Variants in KIF20B observed in about 807,000 individuals in gnomAD.
KIF20B encodes kinesin-like protein KIF20B.
Under a neutral mutation model 232.5 loss-of-function variants are expected in KIF20B, and 188 were observed. The ratio of observed to expected loss-of-function variants is 0.81; its 90% CI spans 0.72 to 0.91. The LOEUF is 0.91. Among genes scored for constraint, KIF20B ranks in the 40% least tolerant of loss-of-function variants. The pLI, the probability that KIF20B is intolerant of heterozygous loss-of-function variation, is 0.00. For synonymous variants in KIF20B, 712 were observed against 683.0 expected (o/e 1.04, Z -0.66); for missense variants, 2,154 against 2,055.9 (o/e 1.05, Z -0.92).
In KIF20B at chr10:89,751,381, C is replaced by A. The variant is rs1306111010; in HGVS notation, c.4132C>A (p.Arg1378=). 1.2e-6 allele frequency: 2 copies of A among 1,605,220 alleles called. No homozygotes were observed. Among genetic ancestry groups the A allele is most frequent in the South Asian group, 1.1e-5 (1 of 88,688 alleles). The change falls in exon 24 of 33, where the codon CGA becomes AGA. Residue 1378 remains arginine (R), a synonymous_variant. Transcript: ENST00000371728. ...TAAAGAGAAAATAATTGAAGACATG[C>A]GAATGACACTAGAAGAACAGGAACA... ...NVKEKIIEDM[R]MTLEEQEQTQ...
At chr10:89,747,881 TATA>T (rs145154217) in intron 23 of KIF20B, among the ~76,000 whole-genome samples, 6 of 150,658 alleles carry the variant, frequency 4.0e-5, no homozygotes, top group Non-Finnish European at 5.9e-5. Context: ...AAACTTAAAG[TATA>T]ATAATAATAA....
At chr10:89,747,419 A>G (rs899409241) in intron 23 of KIF20B, among the ~76,000 whole-genome samples, 2 of 152,182 alleles carry the variant, frequency 1.3e-5, no homozygotes, top group East Asian at 1.9e-4. Flanking sequence ...TCATGCTGCT[A>G]TAAAGACACA....
Position 89,738,382 on chromosome 10 carries a change from G to T in KIF20B, c.3541G>T (p.Ala1181Ser). 1 of 1,605,680 alleles carries T rather than the reference G, an allele frequency of 6.2e-7. No individual in the cohort carries two copies. Among genetic ancestry groups the T allele is most frequent in the Non-Finnish European group, 8.5e-7 (1 of 1,177,704 alleles). ...TCAGAAAGTTGAATGTAGTCATTCAGCCAAGTTAGAACAAGACATTTTGGA... is the reference window on the plus strand; with the variant it reads ...TCAGAAAGTTGAATGTAGTCATTCATCCAAGTTAGAACAAGACATTTTGGA... The part of the protein sequence containing the change: ...ETQKVECSHS[A>S]KLEQDILEKE... The change falls in exon 20 of 33, where the codon GCC becomes TCC. Residue 1181 changes from alanine (A) to serine (S), a missense_variant. By Grantham distance (99) the Ala-to-Ser change is moderately conservative (BLOSUM62 1). Transcript: ENST00000371728.
chr10:89,722,301 G>C (rs10881635), intron 13 of KIF20B, among the ~76,000 whole-genome samples: 3 of 152,032 alleles, frequency 2.0e-5, no homozygotes, highest in Non-Finnish European at 4.4e-5. Context: ...TCGTTTAGCT[G>C]TAATAGCCAG....
In KIF20B at chr10:89,709,940, C is replaced by G. The variant is rs140764762; in HGVS notation, c.365C>G (p.Ala122Gly). 4 of 1,581,586 alleles carry G rather than the reference C, an allele frequency of 2.5e-6. No individual in the cohort carries two copies. The highest frequency in any genetic ancestry group is 2.6e-6 in the Non-Finnish European group (3 of 1,168,958). ...KFSFSKVFGP[A>G]TTQKEFFQGC... ...ATGTTTGCTTAGGTTTTTGGCCCAG[C>G]AACTACACAGAAGGAATTCTTTCAG... The change falls in exon 5 of 33, where the codon GCA (alanine) becomes GGA (glycine). Residue 122 changes from alanine to glycine, a missense_variant. Transcript: ENST00000371728.
At chr10:89,757,040 G>GTGTGTGTGTGTGTGTGTGTATATATA (rs1301847520) in intron 26 of KIF20B, among the ~76,000 whole-genome samples, 1 of 110,748 alleles carries the variant, frequency 9.0e-6, no homozygotes, top group African/African-American at 3.3e-5. Context: ...GTGTGTGTGT[G>GTGTGTGTGTGTGTGTGTGTATATATA]TATATATATA....
At position 89,768,741 on chromosome 10, in the gene KIF20B, G is replaced by A. The variant is rs1842411535; in HGVS notation, c.5095G>A (p.Ala1699Thr). 2 of 1,582,892 alleles carry A rather than the reference G, an allele frequency of 1.3e-6. No individual in the cohort carries two copies. The highest frequency in any genetic ancestry group is 1.2e-5 in the South Asian group (1 of 85,202). The change falls in exon 31 of 33, where the codon GCC (alanine) becomes ACC (threonine). Residue 1699 changes from alanine (A) to threonine (T), a missense_variant. Physicochemically the swap from Ala to Thr is moderately conservative, Grantham distance 58. Transcript: ENST00000371728. ...CAAAAAATGTTTTGTTTATTAGGTTGCCATACGTCCATCATCTAAGAAAAC... is the reference window on the plus strand; with the variant it reads ...CAAAAAATGTTTTGTTTATTAGGTTACCATACGTCCATCATCTAAGAAAAC... ...NSSVKKEQKV[A>T]IRPSSKKTYS...
chr10:89,717,398 GAT>G (rs1842955827), intron 9 of KIF20B, 24 bp from the exon 10 acceptor site: 1 of 1,386,856 alleles, frequency 7.2e-7, no homozygotes. Flanking sequence ...AAAATGATAA[GAT>G]AACATTTGAT....
At chr10:89,720,212 C>A (rs1843023757) in intron 13 of KIF20B, among the ~76,000 whole-genome samples, 1 of 152,120 alleles carries the variant, frequency 6.6e-6, no homozygotes, top group Non-Finnish European at 1.5e-5. Context: ...TTTCTTTAAT[C>A]ATTTCTAATC....
At chr10:89,717,221 C>T (rs1842952858) in intron 9 of KIF20B, among the ~76,000 whole-genome samples, 1 of 152,050 alleles carries the variant, frequency 6.6e-6, no homozygotes, top group South Asian at 2.1e-4. Flanking sequence ...GGATTTAGAG[C>T]TAGGCAAAAG....
At chr10:89,741,291 G>A (rs1226511482) in intron 21 of KIF20B, among the ~76,000 whole-genome samples, 1 of 152,156 alleles carries the variant, frequency 6.6e-6, no homozygotes, top group Non-Finnish European at 1.5e-5. Flanking sequence ...GGTAATGTGA[G>A]TGATGGGGAG....
chr10:89,748,145 G>A (rs2133145927), intron 23 of KIF20B, among the ~76,000 whole-genome samples: 1 of 152,290 alleles, frequency 6.6e-6, no homozygotes, highest in East Asian at 1.9e-4. Context: ...GAGTAGCTGG[G>A]ATTACAAGCA....
intron 23 of KIF20B, among the ~76,000 whole-genome samples, chr10:89,749,640 A>C (rs536725719): frequency 2.0e-5 from 3 of 152,148 alleles, no homozygotes; most frequent in Admixed American, 6.6e-5. Flanking sequence ...ATTATGGACA[A>C]TTCATGTTAA....
At chr10:89,728,499 G>GT (rs1485591955) in intron 17 of KIF20B, among the ~76,000 whole-genome samples, 1 of 150,242 alleles carries the variant, frequency 6.7e-6, no homozygotes, top group Admixed American at 6.6e-5. Flanking sequence ...GGGTGACATA[G>GT]TTTTTTTAGT....
At chr10:89,725,560 C>A (rs1267745110) in intron 15 of KIF20B, among the ~76,000 whole-genome samples, 1 of 152,072 alleles carries the variant, frequency 6.6e-6, no homozygotes, top group Non-Finnish European at 1.5e-5. Context: ...GTTGCCCTTG[C>A]CGGGCAACTA....
intron 11 of KIF20B, 91 bp downstream of exon 11, chr10:89,717,813 T>A: frequency 1.3e-6 from 1 of 779,418 alleles, no homozygotes; most frequent in Middle Eastern, 3.9e-4. Context: ...TTTTTTGATT[T>A]TTAAACTGCT....
Position 89,737,605 on chromosome 10 carries a change from T to C in KIF20B, c.2764T>C (p.Ser922Pro), listed in dbSNP as rs759331085. The change falls in exon 20 of 33, where the codon TCT (serine) becomes CCT (proline). Residue 922 changes from serine (S) to proline (P), a missense_variant. Ser to Pro is a moderately conservative substitution (Grantham distance 74, BLOSUM62 -1). Transcript: ENST00000371728. ...IVHFQQELSL[S>P]EKKNLTLSKE... ...TCATTTTCAGCAGGAACTTTCTCTTTCTGAAAAAAAGAATTTAACTTTAAG... is the reference window on the plus strand; with the variant it reads ...TCATTTTCAGCAGGAACTTTCTCTTCCTGAAAAAAAGAATTTAACTTTAAG... 1 of 1,604,084 alleles carries C rather than the reference T, an allele frequency of 6.2e-7. No individual in the cohort carries two copies. Among genetic ancestry groups the C allele is most frequent in the Non-Finnish European group, 8.5e-7 (1 of 1,176,582 alleles).
chr10:89,763,168 C>A (rs1842281269), intron 29 of KIF20B, among the ~76,000 whole-genome samples: 1 of 152,070 alleles, frequency 6.6e-6, no homozygotes, highest in South Asian at 2.1e-4. Flanking sequence ...CTAATCTCAG[C>A]TACTCAGGAG....
In KIF20B at chr10:89,748,256, C is replaced by T. The variant is rs186280953; in HGVS notation, c.4096+2297C>T. ...AACTCCTGACCTCAGGTGATCCACC[C>T]GCCTTGGCCTCCCAAAGTGGTGGGA... On this transcript the variant is annotated intron_variant, in intron 23 of 32. Coordinates refer to ENST00000371728, the MANE Select transcript of KIF20B (RefSeq NM_001284259.2). Among the ~76,000 whole-genome samples the T allele has an allele frequency of 1.6e-3, 238 of 152,290 alleles. 7 individuals carry two copies. The East Asian group carries it at 0.042, about 27-fold the overall frequency.
Sources: gnomAD v4.1 joint callset for allele counts (sites outside exome capture counted in the v4.1 genomes callset) on GRCh38, gnomAD v4.1.1 for gene constraint, MANE v1.5 for transcripts, NCBI Gene and HGNC (gene_info 2026-07-23, HGNC 2026-07-21) for gene names.